TNFRSF19: variants seen among roughly 807,000 people sequenced by gnomAD.
TNFRSF19 encodes the protein tumor necrosis factor receptor superfamily member 19.
A neutral mutation model predicts 46.4 loss-of-function variants in TNFRSF19; 27 were observed. That is an observed-to-expected ratio of 0.58 (90% CI 0.43 to 0.80). TNFRSF19 has a LOEUF of 0.80. Among genes scored for constraint, TNFRSF19 ranks in the 30% least tolerant of loss-of-function variants. The pLI, the probability that TNFRSF19 is intolerant of heterozygous loss-of-function variation, is 0.00. For synonymous variants in TNFRSF19, 204 were observed against 205.0 expected, an observed-to-expected ratio of 1.00 and a Z score of 0.04; for missense variants, 511 against 530.8, an observed-to-expected ratio of 0.96 and a Z score of 0.37.
chr13:23,643,006 T>C (rs1566206607), intron 5 of TNFRSF19, among the ~76,000 whole-genome samples: 1 of 152,254 alleles, frequency 6.6e-6, no homozygotes, highest in Non-Finnish European at 1.5e-5. Context: ...TTTTTCTGCT[T>C]CATCAGTAGG....
At chr13:23,599,067 G>A (rs549336681) in intron 3 of TNFRSF19, among the ~76,000 whole-genome samples, 10 of 152,294 alleles carry the variant, frequency 6.6e-5, no homozygotes, top group Non-Finnish European at 1.3e-4. Context: ...ATGAGTGGTG[G>A]CTTTTAGTAT....
intron 1 of TNFRSF19, among the ~76,000 whole-genome samples, chr13:23,586,203 A>G (rs1307459774): frequency 7.0e-6 from 1 of 143,884 alleles, no homozygotes; most frequent in Non-Finnish European, 1.5e-5. Flanking sequence ...GCTTGCAGGG[A>G]GCTGAGATCA....
At chr13:23,664,545 C>A (rs1430781890) in intron 7 of TNFRSF19, among the ~76,000 whole-genome samples, 2 of 152,228 alleles carry the variant, frequency 1.3e-5, no homozygotes, top group African/African-American at 4.8e-5. Flanking sequence ...CTTTACAGTT[C>A]TGTTATCACC....
intron 1 of TNFRSF19, among the ~76,000 whole-genome samples, chr13:23,573,790 C>T (rs1256271046): frequency 5.3e-5 from 8 of 152,066 alleles, no homozygotes; most frequent in Non-Finnish European, 1.0e-4. Context: ...GGGCCAGGAG[C>T]GGTGGCTCAC....
intron 4 of TNFRSF19, among the ~76,000 whole-genome samples, chr13:23,621,991 T>C (rs940658475): frequency 2.0e-5 from 3 of 151,956 alleles, no homozygotes; most frequent in Non-Finnish European, 2.9e-5. Context: ...GACCAGATAC[T>C]GTTGATAGCT....
Position 23,595,091 on chromosome 13 carries a change from A to G in TNFRSF19, c.180+1636A>G, listed in dbSNP as rs1040173251. On this transcript the variant is annotated intron_variant, in intron 3 of 9. Coordinates refer to ENST00000248484, the MANE Select transcript of TNFRSF19 (RefSeq NM_148957.4). ...CAACAAAAAGGGCATCTACACAAAA[A>G]CCCCATCCAAAGGTCACCAGCATCA... Among the ~76,000 whole-genome samples, 9 of 152,270 alleles carry G rather than the reference A, an allele frequency of 5.9e-5. No homozygotes were observed. The South Asian group carries it at 6.2e-4, about 11-fold the overall frequency.
In TNFRSF19 at chr13:23,605,322, G is replaced by C. The variant is rs151126190; in HGVS notation, c.181-10545G>C. Among the ~76,000 whole-genome samples the C allele has an allele frequency of 2.3e-3, 353 of 152,296 alleles. 1 individual carries two copies. The highest frequency in any genetic ancestry group is 8.3e-3 in the African/African-American group (347 of 41,564). On this transcript the variant is annotated intron_variant, in intron 3 of 9. Coordinates refer to ENST00000248484, the MANE Select transcript of TNFRSF19 (RefSeq NM_148957.4). ...CAGAACACAGACAACATTGAAGGCTGTTAAGGATGTGGAGTAACAGGAGTT... is the reference window on the plus strand; with the variant it reads ...CAGAACACAGACAACATTGAAGGCTCTTAAGGATGTGGAGTAACAGGAGTT...
At chr13:23,644,192 G>A (rs1421689225) in intron 5 of TNFRSF19, among the ~76,000 whole-genome samples, 1 of 152,086 alleles carries the variant, frequency 6.6e-6, no homozygotes, top group African/African-American at 2.4e-5. Context: ...TCACCATAGG[G>A]GAAAAGCTTG....
intron 3 of TNFRSF19, among the ~76,000 whole-genome samples, chr13:23,609,978 C>T (rs1015946497): frequency 5.3e-5 from 8 of 152,178 alleles, no homozygotes; most frequent in Non-Finnish European, 1.0e-4. Flanking sequence ...AATATCTCTT[C>T]AATGTTGTTT....
At chr13:23,658,191 A>T (rs1304757550) in intron 5 of TNFRSF19, among the ~76,000 whole-genome samples, 1 of 152,182 alleles carries the variant, frequency 6.6e-6, no homozygotes, top group African/African-American at 2.4e-5. Context: ...TAGTTTTAAA[A>T]TGGTAATTAC....
chr13:23,604,022 A>G (rs1880347372), intron 3 of TNFRSF19, among the ~76,000 whole-genome samples: 1 of 152,044 alleles, frequency 6.6e-6, no homozygotes, highest in Non-Finnish European at 1.5e-5. Context: ...ATAAAAAAAA[A>G]GAAATAAAAG....
chr13:23,651,210 TG>T (rs1034170829), intron 5 of TNFRSF19, among the ~76,000 whole-genome samples: 15 of 152,340 alleles, frequency 9.8e-5, no homozygotes, highest in African/African-American at 3.6e-4. Context: ...ATGGTACTGG[TG>T]CTGGTAGAAG....
At chr13:23,651,883 C>A (rs1025856267) in intron 5 of TNFRSF19, among the ~76,000 whole-genome samples, 339 of 3,456 alleles carry the variant, frequency 0.098, no homozygotes, top group Non-Finnish European at 0.11. Flanking sequence ...TTGGAAAGAA[C>A]ATAACATGCT....
At chr13:23,614,673 C>T (rs945801596) in intron 3 of TNFRSF19, among the ~76,000 whole-genome samples, 8 of 151,134 alleles carry the variant, frequency 5.3e-5, no homozygotes, top group African/African-American at 2.0e-4. Flanking sequence ...TCTATAGAAA[C>T]CATCACAAAG....
Position 23,667,997 on chromosome 13 carries a change from C to G in TNFRSF19, c.754C>G (p.Pro252Ala), listed in dbSNP as rs1227803132. 1 of 1,608,752 alleles carries G rather than the reference C, an allele frequency of 6.2e-7. No individual in the cohort carries two copies. Among genetic ancestry groups the G allele is most frequent in the African/African-American group, 1.3e-5 (1 of 74,976 alleles). The part of the protein sequence containing the change: ...VQTCGPVRLL[P>A]SMCCEEACSP... ...TTCCCTAGGGCCGGTGCGCTTGCTC[C>G]CATCCATGTGCTGTGAGGAGGCCTG... The change falls in exon 8 of 10, where the codon CCA becomes GCA. Residue 252 changes from proline to alanine, a missense_variant. Physicochemically the swap from Pro to Ala is conservative, Grantham distance 27. Transcript: ENST00000248484.
At chr13:23,572,162 GGTT>G (rs1877671655) in intron 1 of TNFRSF19, among the ~76,000 whole-genome samples, 2 of 152,064 alleles carry the variant, frequency 1.3e-5, no homozygotes, top group African/African-American at 4.8e-5. Context: ...GTTAAGTGGA[GGTT>G]ATTTAAAGCC....
intron 3 of TNFRSF19, among the ~76,000 whole-genome samples, chr13:23,612,407 A>G (rs1199709595): frequency 6.6e-6 from 1 of 152,234 alleles, no homozygotes; most frequent in Non-Finnish European, 1.5e-5. Context: ...AGCCTGGATT[A>G]TGAGTAATTA....
intron 3 of TNFRSF19, 64 bp downstream of exon 3, chr13:23,593,519 T>C (rs1160502177): frequency 9.3e-7 from 1 of 1,072,262 alleles, no homozygotes; most frequent in East Asian, 2.5e-5. Context: ...CTTAACTCAA[T>C]TCTTTGAGTT....
Position 23,668,028 on chromosome 13 carries a change from C to G in TNFRSF19, c.785C>G (p.Pro262Arg), listed in dbSNP as rs775794894. The G allele has an allele frequency of 1.2e-6, 2 of 1,610,292 alleles. No homozygotes were observed. The highest frequency in any genetic ancestry group is 2.2e-5 in the East Asian group (1 of 44,830). ...PSMCCEEACS[P>R]NPATLGCGVH... ...ATGTGCTGTGAGGAGGCCTGCAGCC[C>G]CAACCCGGCGACTCTTGGTTGTGGG... The change falls in exon 8 of 10, where the codon CCC becomes CGC. Residue 262 changes from proline (P) to arginine (R), a missense_variant. Physicochemically the swap from Pro to Arg is moderately radical, Grantham distance 103 (BLOSUM62 -2). Transcript: ENST00000248484.
Sources: gnomAD v4.1 joint callset for allele counts (sites outside exome capture counted in the v4.1 genomes callset) on GRCh38, gnomAD v4.1.1 for gene constraint, MANE v1.5 for transcripts, NCBI Gene and HGNC (gene_info 2026-07-23, HGNC 2026-07-21) for gene names.